Variants in SKAP2 observed in about 807,000 individuals in gnomAD.
SKAP2 encodes the protein src kinase associated phosphoprotein 2, also known as src kinase-associated phosphoprotein 2.
SKAP2 carries 28 observed loss-of-function variants against 54.9 expected under a neutral mutation model. That is an observed-to-expected ratio of 0.51 (90% confidence interval 0.38 to 0.70). SKAP2 has a LOEUF of 0.70. Ranked by LOEUF, SKAP2 falls within the 30% of genes least tolerant of loss-of-function variation. SKAP2 has a pLI of 0.00. For missense variants in SKAP2, 356 were observed against 424.1 expected, an observed-to-expected ratio of 0.84 and a Z score of 1.41; for synonymous variants, 137 against 134.3, an observed-to-expected ratio of 1.02 and a Z score of -0.14.
Position 26,864,410 on chromosome 7 carries a change from GTGC to G in SKAP2, c.17_19del (p.Ser6del), listed in dbSNP as rs1785332130. 1 of 1,611,330 alleles carries G rather than the reference GTGC, an allele frequency of 6.2e-7. No homozygotes were observed. Among genetic ancestry groups the G allele is most frequent in the Non-Finnish European group, 8.5e-7 (1 of 1,178,618 alleles). On this transcript the variant is annotated inframe_deletion, in exon 1 of 13. Transcript: ENST00000345317. ...CTCAGGGAGGGGGTAGGGAGAGGAG[GTGC>G]TGCTGGGGTTGGGCATGTTAGGGAG...
At chr7:26,765,626 A>T (rs764834574) in intron 4 of SKAP2, among the ~76,000 whole-genome samples, 69 of 152,204 alleles carry the variant, frequency 4.5e-4, no homozygotes, top group Non-Finnish European at 7.8e-4. Flanking sequence ...TCTTTAATCC[A>T]CCTTGGGTTA....
intron 4 of SKAP2, among the ~76,000 whole-genome samples, chr7:26,749,592 G>A (rs1782635580): frequency 6.6e-6 from 1 of 151,710 alleles, no homozygotes; most frequent in South Asian, 2.1e-4. Flanking sequence ...TATAAAAAAT[G>A]TATTAATTAC....
chr7:26,786,793 T>G (rs1783556838), intron 4 of SKAP2, among the ~76,000 whole-genome samples: 1 of 152,228 alleles, frequency 6.6e-6, no homozygotes, highest in Admixed American at 6.5e-5. Flanking sequence ...CTTTTTTTTC[T>G]GAACATATAA....
intron 4 of SKAP2, among the ~76,000 whole-genome samples, chr7:26,828,956 G>C (rs763525003): frequency 2.0e-5 from 3 of 151,900 alleles, no homozygotes; most frequent in African/African-American, 4.8e-5. Flanking sequence ...GAACCCAGTG[G>C]GGGCAGAGGT....
At chr7:26,737,536 TG>T (rs1787969428) in intron 6 of SKAP2, among the ~76,000 whole-genome samples, 1 of 152,170 alleles carries the variant, frequency 6.6e-6, no homozygotes, top group Admixed American at 6.5e-5. Flanking sequence ...GTTTTTAGAA[TG>T]GGGGAAAAAA....
At chr7:26,734,876 A>G (rs1442538948) in intron 6 of SKAP2, among the ~76,000 whole-genome samples, 1 of 152,128 alleles carries the variant, frequency 6.6e-6, no homozygotes, top group South Asian at 2.1e-4. Context: ...TTAATTTCCA[A>G]CATATGAATT....
Position 26,802,297 on chromosome 7 carries a change from G to A in SKAP2, c.307+41733C>T, listed in dbSNP as rs190692057. Reference sequence around the variant, plus strand: ...TTTTGGTTTTTTTTTTTTTTGAGACGGAGTTTCACTCTTGCCCAGGCTGGA... The same window carrying A: ...TTTTGGTTTTTTTTTTTTTTGAGACAGAGTTTCACTCTTGCCCAGGCTGGA... On this transcript the variant is annotated intron_variant, in intron 4 of 12. Coordinates refer to ENST00000345317, the MANE Select transcript of SKAP2 (RefSeq NM_003930.5). 4.1e-3 allele frequency among the ~76,000 whole-genome samples: 577 copies of A among 141,188 alleles called. 2 individuals carry two copies. The highest frequency in any genetic ancestry group is 6.2e-3 in the Non-Finnish European group (405 of 65,654). 92.6% of individuals were successfully genotyped at this position (141,188 alleles called of 152,430 possible). A position where few individuals can be genotyped will look rare whatever the true frequency, so the allele number is the denominator to read the frequency against.
chr7:26,656,714 T>C, the SKAP2 span, among the ~76,000 whole-genome samples: 2 of 152,152 alleles, frequency 1.3e-5, no homozygotes, highest in Non-Finnish European at 2.9e-5. Flanking sequence ...GGTAACTGGG[T>C]TTGAGAATGA....
the SKAP2 span, among the ~76,000 whole-genome samples, chr7:26,656,529 A>C: frequency 6.6e-6 from 1 of 152,234 alleles, no homozygotes; most frequent in Non-Finnish European, 1.5e-5. Flanking sequence ...ATGTTCTGAA[A>C]GCCTTTCTTG....
At chr7:26,719,776 C>T (rs926062274) in intron 9 of SKAP2, among the ~76,000 whole-genome samples, 1 of 152,134 alleles carries the variant, frequency 6.6e-6, no homozygotes, top group South Asian at 2.1e-4. Flanking sequence ...AACCTAGAAA[C>T]ATTCTATGTA....
Position 26,713,834 on chromosome 7 carries a change from C to T in SKAP2, c.796+11594G>A, listed in dbSNP as rs183109041. ...CAGGATGGTCTCTATCTCCTGACCT[C>T]GTGATCCACCTGCCTCGGCCTCCCA... On this transcript the variant is annotated intron_variant, in intron 9 of 12. Transcript: ENST00000345317. 5.8e-3 allele frequency among the ~76,000 whole-genome samples: 881 copies of T among 152,176 alleles called. 8 individuals are homozygous for T. Among genetic ancestry groups the T allele is most frequent in the African/African-American group, 0.02 (828 of 41,530 alleles).
At chr7:26,753,606 A>C (rs1584369784) in intron 4 of SKAP2, among the ~76,000 whole-genome samples, 1 of 152,332 alleles carries the variant, frequency 6.6e-6, no homozygotes, top group East Asian at 1.9e-4. Context: ...CAATTTTGTA[A>C]ACATTTAATA....
chr7:26,790,403 A>G (rs1783650126), intron 4 of SKAP2, among the ~76,000 whole-genome samples: 1 of 152,214 alleles, frequency 6.6e-6, no homozygotes, highest in South Asian at 2.1e-4. Context: ...AGTAAGGTGA[A>G]CTTTTAGAAA....
intron 4 of SKAP2, among the ~76,000 whole-genome samples, chr7:26,801,228 T>C (rs533253640): frequency 6.6e-6 from 1 of 152,266 alleles, no homozygotes; most frequent in South Asian, 2.1e-4. Context: ...ACATGATACA[T>C]CATATCAATA....
At chr7:26,721,348 A>G (rs1460445139) in intron 9 of SKAP2, among the ~76,000 whole-genome samples, 1 of 152,204 alleles carries the variant, frequency 6.6e-6, no homozygotes, top group African/African-American at 2.4e-5. Flanking sequence ...ACTTCAAATT[A>G]AAGTACCCAA....
intron 1 of SKAP2, chr7:26,857,403 T>C: frequency 1.0e-6 from 1 of 972,446 alleles, no homozygotes; most frequent in Non-Finnish European, 1.2e-6. Context: ...ACTTGGTTGG[T>C]TTTTAAGCTT....
At chr7:26,728,137 A>G (rs933800626) in intron 6 of SKAP2, among the ~76,000 whole-genome samples, 3 of 152,178 alleles carry the variant, frequency 2.0e-5, no homozygotes, top group African/African-American at 7.2e-5. Flanking sequence ...CATAATTTAC[A>G]TCTCTCTGAA....
At chr7:26,857,337 T>TAAAAAAAAAAAAAAAAAAAAA in intron 1 of SKAP2, 4 of 130,774 alleles carry the variant, frequency 3.1e-5, no homozygotes, top group Admixed American at 1.3e-4. Flanking sequence ...AAAAAAAAAC[T>TAAAAAAAAAAAAAAAAAAAAA]TTAAACTGGA....
chr7:26,757,605 C>G (rs1366132625), intron 4 of SKAP2, among the ~76,000 whole-genome samples: 1 of 152,026 alleles, frequency 6.6e-6, no homozygotes, highest in Non-Finnish European at 1.5e-5. Flanking sequence ...AGTCAGGTAG[C>G]GTGATGCCTC....
Sources: gnomAD v4.1 joint callset for allele counts (sites outside exome capture counted in the v4.1 genomes callset) on GRCh38, gnomAD v4.1.1 for gene constraint, MANE v1.5 for transcripts, NCBI Gene and HGNC (gene_info 2026-07-23, HGNC 2026-07-21) for gene names.